The following ARFGEF2 variants were observed in gnomAD, a reference collection of about 807,000 sequenced individuals.
ARFGEF2 encodes the protein brefeldin A-inhibited guanine nucleotide-exchange protein 2.
Under a neutral mutation model 219.9 loss-of-function variants are expected in ARFGEF2, and 74 were observed. That is an observed-to-expected ratio of 0.34 (90% confidence interval 0.28 to 0.41). The LOEUF (loss-of-function observed/expected upper bound fraction) is 0.41, where lower values mean the gene tolerates loss of function less well. Among genes scored for constraint, ARFGEF2 ranks in the 10% least tolerant of loss-of-function variants. The pLI is 1.00. For synonymous variants in ARFGEF2, 733 were observed against 799.2 expected (o/e 0.92, Z 1.40); for missense variants, 1,743 against 2,218.3 (o/e 0.79, Z 4.30).
At chr20:48,967,023 A>C (rs2091192354) in intron 8 of ARFGEF2, among the ~76,000 whole-genome samples, 1 of 152,078 alleles carries the variant, frequency 6.6e-6, no homozygotes, top group African/African-American at 2.4e-5. Flanking sequence ...ATTTTTTATT[A>C]TTATTTGTAG....
intron 21 of ARFGEF2, among the ~76,000 whole-genome samples, chr20:48,994,238 A>G (rs566049417): frequency 7.9e-5 from 12 of 152,168 alleles, no homozygotes; most frequent in Non-Finnish European, 8.8e-5. Context: ...GGGTGACTAA[A>G]TGATGTGCCT....
At chr20:48,979,319 T>C (rs1463810139) in intron 14 of ARFGEF2, among the ~76,000 whole-genome samples, 1 of 152,230 alleles carries the variant, frequency 6.6e-6, no homozygotes, top group African/African-American at 2.4e-5. Flanking sequence ...TTCCCAGGGA[T>C]GAAGCTGACT....
chr20:48,959,229 G>A (rs867121872), intron 6 of ARFGEF2, among the ~76,000 whole-genome samples: 12 of 152,124 alleles, frequency 7.9e-5, no homozygotes, highest in Admixed American at 2.6e-4. Context: ...GAATGTAAAT[G>A]AGGTGCTGTG....
intron 27 of ARFGEF2, among the ~76,000 whole-genome samples, chr20:49,011,207 TCA>T (rs2091495619): frequency 1.3e-5 from 2 of 152,198 alleles, no homozygotes; most frequent in African/African-American, 4.8e-5. Context: ...AGGTGTCTTT[TCA>T]ACAGGAACAC....
rs1473370799 is a variant in ARFGEF2, at chr20:49,012,014, T to G, written c.3848T>G (p.Phe1283Cys). 1.2e-6 allele frequency: 2 copies of G among 1,614,240 alleles called. No individual in the cohort carries two copies. Among genetic ancestry groups the G allele is most frequent in the Admixed American group, 3.3e-5 (2 of 60,020 alleles). Residue 1283 changes from phenylalanine to cysteine, a missense_variant, in exon 28 of 39, where the codon TTC becomes TGC. By Grantham distance (205) the Phe-to-Cys change is radical. Transcript: ENST00000371917. ...TCAGAGTTCGCCTGCAACGCCGCTT[T>G]CCCTGACACGAGCATGGAAGCGATT... ...CLSEFACNAA[F>C]PDTSMEAIRL...
Position 49,036,036 on chromosome 20 carries a change from T to G in ARFGEF2, c.*2837T>G. 1 of 397,324 alleles carries G rather than the reference T, an allele frequency of 2.5e-6. No individual in the cohort carries two copies. The highest frequency in any genetic ancestry group is 4.4e-6 in the Non-Finnish European group (1 of 225,630). The allele number at this position is 397,324 out of a possible 1,614,324, so 24.6% of individuals were successfully genotyped here. On this transcript the variant is annotated 3_prime_UTR_variant, in exon 39 of 39. Transcript: ENST00000371917. ...ATTTTTTTTGTTGTTCTTTTGTGAT[T>G]AAGGATATACATTTAGTAGTCTTTG... is the stretch of plus-strand genomic sequence containing the variant.
rs142842056 is a variant in ARFGEF2 at position 48,992,651 on chromosome 20, A to G, written c.2973+1453A>G. ...GTATTTGGCAAGTAATAAGAACTCA[A>G]TAGTGTTACCTGCTGTCATCTCCGT... On this transcript the variant is annotated intron_variant, in intron 21 of 38. Coordinates refer to ENST00000371917, the MANE Select transcript of ARFGEF2 (RefSeq NM_006420.3). Among the ~76,000 whole-genome samples the G allele has an allele frequency of 1.8e-3, 281 of 152,300 alleles. 1 individual carries two copies. Among genetic ancestry groups the G allele is most frequent in the African/African-American group, 6.3e-3 (262 of 41,568 alleles).
chr20:49,031,893 G>A (rs1406805539), intron 37 of ARFGEF2, among the ~76,000 whole-genome samples, 156 bp from the exon 38 acceptor site: 1 of 151,492 alleles, frequency 6.6e-6, no homozygotes, highest in Non-Finnish European at 1.5e-5. Flanking sequence ...ACTCCAGCCT[G>A]GGCCGCAGAG....
At chr20:49,007,290 C>CTTT (rs11483342) in intron 26 of ARFGEF2, among the ~76,000 whole-genome samples, 5 of 137,660 alleles carry the variant, frequency 3.6e-5, no homozygotes, top group East Asian at 2.1e-4. Flanking sequence ...CAGCCTGGAT[C>CTTT]TTTTTTTTTT....
chr20:48,994,179 T>A (rs1311258510), intron 21 of ARFGEF2, among the ~76,000 whole-genome samples: 2 of 152,066 alleles, frequency 1.3e-5, no homozygotes, highest in African/African-American at 4.8e-5. Context: ...GTGAGGCCAA[T>A]GAGGCTGGTG....
intron 14 of ARFGEF2, among the ~76,000 whole-genome samples, chr20:48,981,350 G>A (rs1023287978): frequency 3.3e-5 from 5 of 152,186 alleles, no homozygotes; most frequent in Admixed American, 2.0e-4. Flanking sequence ...TGAGAGATCC[G>A]CTATTAGTCT....
At chr20:48,963,944 C>T (rs1344993013) in intron 7 of ARFGEF2, 46 bp downstream of exon 7, 4 of 1,580,164 alleles carry the variant, frequency 2.5e-6, no homozygotes, top group East Asian at 4.5e-5. Context: ...CTCATTCCTC[C>T]AAAAAGTCCT....
At chr20:48,970,817 T>G (rs990092894) in intron 9 of ARFGEF2, among the ~76,000 whole-genome samples, 2 of 152,072 alleles carry the variant, frequency 1.3e-5, no homozygotes, top group Admixed American at 6.6e-5. Flanking sequence ...TGATGTAAAG[T>G]CATTGATTCT....
At chr20:48,993,907 C>T (rs1475012137) in intron 21 of ARFGEF2, among the ~76,000 whole-genome samples, 1 of 152,204 alleles carries the variant, frequency 6.6e-6, no homozygotes, top group African/African-American at 2.4e-5. Context: ...TTAATGCCCT[C>T]TTGGCACCTA....
At chr20:48,992,687 T>G (rs2091363844) in intron 21 of ARFGEF2, among the ~76,000 whole-genome samples, 1 of 152,260 alleles carries the variant, frequency 6.6e-6, no homozygotes, top group Non-Finnish European at 1.5e-5. Context: ...GGCGTATGGC[T>G]TTGCTCCTCT....
Position 48,998,433 on chromosome 20 carries a change from A to G in ARFGEF2, c.3360A>G (p.Ser1120=), listed in dbSNP as rs779649636. 6.2e-7 allele frequency: 1 copy of G among 1,614,086 alleles called. No homozygotes were observed. The highest frequency in any genetic ancestry group is 1.1e-5 in the South Asian group (1 of 91,082). Residue 1120 remains serine, a synonymous_variant, in exon 25 of 39, where the codon TCA becomes TCG. Coordinates refer to ENST00000371917, the MANE Select transcript of ARFGEF2 (RefSeq NM_006420.3). ...MFSLQKIVEI[S]YYNMNRIRLQ... ...GCTTGCAGAAGATTGTGGAGATATCATACTACAACATGAATCGGATCCGAC... is the reference window on the plus strand; with the variant it reads ...GCTTGCAGAAGATTGTGGAGATATCGTACTACAACATGAATCGGATCCGAC...
At chr20:48,932,792 C>T (rs2090921211) in intron 1 of ARFGEF2, among the ~76,000 whole-genome samples, 1 of 152,134 alleles carries the variant, frequency 6.6e-6, no homozygotes, top group African/African-American at 2.4e-5. Context: ...GGACAAGAGT[C>T]AGTGTGACCA....
intron 1 of ARFGEF2, among the ~76,000 whole-genome samples, chr20:48,937,841 G>C (rs1187729939): frequency 6.6e-6 from 1 of 152,182 alleles, no homozygotes; most frequent in Non-Finnish European, 1.5e-5. Flanking sequence ...CTGTGGTCAT[G>C]CCAGGCCAGA....
intron 6 of ARFGEF2, among the ~76,000 whole-genome samples, chr20:48,959,980 G>GAAAACTAA (rs2091135617): frequency 6.6e-6 from 1 of 152,110 alleles, no homozygotes; most frequent in African/African-American, 2.4e-5. Context: ...CTGTTATTTT[G>GAAAACTAA]TGAATTTTAT....
Sources: gnomAD v4.1 joint callset for allele counts (sites outside exome capture counted in the v4.1 genomes callset) on GRCh38, gnomAD v4.1.1 for gene constraint, MANE v1.5 for transcripts, NCBI Gene and HGNC (gene_info 2026-07-23, HGNC 2026-07-21) for gene names.